STPG2: variants seen among roughly 807,000 people sequenced by gnomAD.
The protein encoded by STPG2 is sperm tail PG-rich repeat containing 2, also known as sperm-tail PG-rich repeat-containing protein 2.
In STPG2, 56 loss-of-function variants were observed where a neutral mutation model predicts 54.2. That is an observed-to-expected ratio of 1.03 (90% CI 0.83 to 1.29). The LOEUF (loss-of-function observed/expected upper bound fraction) is 1.29. STPG2 is among the 50% of genes most tolerant of loss of function. The probability of loss-of-function intolerance (pLI) is 0.00; values close to 1 mark genes in which losing one functional copy is unlikely to be tolerated. For synonymous variants in STPG2, 200 were observed against 181.8 expected (o/e 1.10, Z -0.81); for missense variants, 596 against 544.9 (o/e 1.09, Z -0.93).
chr4:97,562,101 T>G (rs1303117731), intron 10 of STPG2, among the ~76,000 whole-genome samples: 1 of 152,182 alleles, frequency 6.6e-6, no homozygotes, highest in Non-Finnish European at 1.5e-5. Flanking sequence ...TTTGTTTGTA[T>G]CCTCTTTTAT....
intron 5 of STPG2, among the ~76,000 whole-genome samples, chr4:98,036,178 G>A (rs190497071): frequency 3.9e-5 from 6 of 152,090 alleles, no homozygotes; most frequent in South Asian, 2.1e-4. Flanking sequence ...TGAAGTTTTC[G>A]AGATAAAGGA....
intron 10 of STPG2, among the ~76,000 whole-genome samples, chr4:97,670,704 T>C (rs151190892): frequency 1.4e-4 from 22 of 152,330 alleles, no homozygotes; most frequent in African/African-American, 5.3e-4. Flanking sequence ...TAATATCATC[T>C]TCCCTTTTTA....
chr4:97,945,397 T>C (rs1288290969), intron 7 of STPG2, among the ~76,000 whole-genome samples: 2 of 152,168 alleles, frequency 1.3e-5, no homozygotes, highest in Non-Finnish European at 2.9e-5. Flanking sequence ...ATGTTATTCT[T>C]TTTTATGGCT....
intron 10 of STPG2, among the ~76,000 whole-genome samples, chr4:97,639,906 G>A (rs1050413751): frequency 6.6e-6 from 1 of 151,942 alleles, no homozygotes; most frequent in African/African-American, 2.4e-5. Flanking sequence ...TAACTATTTA[G>A]CCTTTATTCT....
intron 8 of STPG2, among the ~76,000 whole-genome samples, chr4:97,903,089 A>G (rs957768402): frequency 6.6e-6 from 1 of 152,188 alleles, no homozygotes; most frequent in Non-Finnish European, 1.5e-5. Context: ...GATGGTGGTC[A>G]AAGGGTTCAA....
chr4:97,550,034 A>T (rs892974403), intron 4 of STPG2, among the ~76,000 whole-genome samples: 4 of 152,168 alleles, frequency 2.6e-5, no homozygotes, highest in Non-Finnish European at 5.9e-5. Context: ...GTCACATTTA[A>T]TATCAATTAA....
chr4:98,055,619 G>T (rs1737457511), intron 5 of STPG2, among the ~76,000 whole-genome samples: 1 of 152,178 alleles, frequency 6.6e-6, no homozygotes, highest in African/African-American at 2.4e-5. Context: ...GAGAAGTGGT[G>T]GGGCAGCAAG....
At chr4:97,848,009 C>G (rs1048302736) in intron 8 of STPG2, among the ~76,000 whole-genome samples, 1 of 152,166 alleles carries the variant, frequency 6.6e-6, no homozygotes, top group African/African-American at 2.4e-5. Flanking sequence ...AGTCCCCAAC[C>G]ATTTGCATGC....
At chr4:97,964,307 T>A (rs1427919071) in intron 7 of STPG2, among the ~76,000 whole-genome samples, 1 of 152,192 alleles carries the variant, frequency 6.6e-6, no homozygotes. Flanking sequence ...AACGTGGATC[T>A]TTTATAATGA....
chr4:97,644,063 T>C (rs1009326783), intron 10 of STPG2, among the ~76,000 whole-genome samples: 16 of 151,950 alleles, frequency 1.1e-4, no homozygotes, highest in Non-Finnish European at 2.1e-4. Flanking sequence ...ACCTGTCCAG[T>C]GACTTAAGAG....
At chr4:97,945,173 G>A (rs1200373342) in intron 7 of STPG2, among the ~76,000 whole-genome samples, 2 of 151,972 alleles carry the variant, frequency 1.3e-5, no homozygotes, top group African/African-American at 4.8e-5. Flanking sequence ...AGTGTACATT[G>A]TACCCAATAA....
chr4:97,571,046 A>G (rs1215279473), intron 10 of STPG2, among the ~76,000 whole-genome samples: 2 of 152,226 alleles, frequency 1.3e-5, no homozygotes, highest in Non-Finnish European at 1.5e-5. Context: ...ATTTAAAAAT[A>G]CATGGTTAAA....
At chr4:97,967,618 C>T (rs1734156567) in intron 7 of STPG2, among the ~76,000 whole-genome samples, 2 of 152,188 alleles carry the variant, frequency 1.3e-5, no homozygotes, top group Admixed American at 6.5e-5. Flanking sequence ...GTAAAACACT[C>T]CTCAGCAAAT....
At position 97,840,763 on chromosome 4, in the gene STPG2, C is replaced by T; in HGVS notation, c.1204+10G>A. 1 of 1,607,542 alleles carries T rather than the reference C, an allele frequency of 6.2e-7. No homozygotes were observed. Among genetic ancestry groups the T allele is most frequent in the South Asian group, 1.1e-5 (1 of 90,578 alleles). The stretch of plus-strand genomic sequence containing the variant: ...TTTCCTCATAGCTTTATAAGGACTT[C>T]TAGACTTACCTGGCCCATCAGTCAC... On this transcript the variant is annotated intron_variant, in intron 9 of 10. Transcript: ENST00000295268.
chr4:97,828,704 C>T (rs572160213), intron 9 of STPG2, among the ~76,000 whole-genome samples: 17 of 152,172 alleles, frequency 1.1e-4, no homozygotes, highest in Admixed American at 7.2e-4. Flanking sequence ...CGAGCTTGAT[C>T]GCGGGAGGGG....
At position 97,841,754 on chromosome 4, in the gene STPG2, G is replaced by C. The variant is rs560900272; in HGVS notation, c.1045-822C>G. Among the ~76,000 whole-genome samples, 3 of 151,878 alleles carry C rather than the reference G, an allele frequency of 2.0e-5. No homozygotes were observed. The South Asian group carries it at 6.2e-4, about 31-fold the overall frequency. On this transcript the variant is annotated intron_variant, in intron 8 of 10. Coordinates refer to ENST00000295268, the MANE Select transcript of STPG2 (RefSeq NM_174952.3). ...CAAATATCTGCTGCTTACTAGCTAT[G>C]TGACCTTAAGCAAGCCACTTACCCT... is the stretch of plus-strand genomic sequence containing the variant.
At chr4:98,059,482 A>C (rs946116851) in intron 5 of STPG2, among the ~76,000 whole-genome samples, 8 of 152,072 alleles carry the variant, frequency 5.3e-5, no homozygotes, top group Admixed American at 2.0e-4. Context: ...TTTACAAAGA[A>C]GAGTTGGTAC....
intron 8 of STPG2, among the ~76,000 whole-genome samples, chr4:97,887,287 T>G (rs1730612866): frequency 6.6e-6 from 1 of 152,036 alleles, no homozygotes; most frequent in Non-Finnish European, 1.5e-5. Flanking sequence ...TTTTAGAAAT[T>G]ACTAGAGACT....
chr4:97,819,401 C>A (rs1212658833), intron 9 of STPG2, among the ~76,000 whole-genome samples: 1 of 152,050 alleles, frequency 6.6e-6, no homozygotes, highest in Non-Finnish European at 1.5e-5. Context: ...AGCAAAACTA[C>A]CTTCATGAGA....
Sources: gnomAD v4.1 joint callset for allele counts (sites outside exome capture counted in the v4.1 genomes callset) on GRCh38, gnomAD v4.1.1 for gene constraint, MANE v1.5 for transcripts, NCBI Gene and HGNC (gene_info 2026-07-23, HGNC 2026-07-21) for gene names.